SCARB1: variants seen among roughly 807,000 people sequenced by gnomAD.
The protein encoded by SCARB1 is CD36 and LIMPII analogous 1.
In SCARB1, 30 loss-of-function variants were observed where a neutral mutation model predicts 57.2. The ratio of observed to expected loss-of-function variants is 0.52; its 90% CI spans 0.39 to 0.71. The LOEUF is 0.71. Among genes scored for constraint, SCARB1 ranks in the 30% least tolerant of loss-of-function variants. The pLI is 0.00. For missense variants in SCARB1, 543 were observed against 671.2 expected, an observed-to-expected ratio of 0.81 and a Z score of 2.11; for synonymous variants, 249 against 268.3, an observed-to-expected ratio of 0.93 and a Z score of 0.70.
intron 2 of SCARB1, among the ~76,000 whole-genome samples, chr12:124,816,738 G>A (rs118033907): frequency 4.5e-4 from 69 of 152,178 alleles, no homozygotes; most frequent in East Asian, 4.1e-3. Context: ...AGGCACATCC[G>A]CCAGCCGTCT....
At chr12:124,861,448 G>A (rs1566274274) in intron 1 of SCARB1, among the ~76,000 whole-genome samples, 1 of 151,602 alleles carries the variant, frequency 6.6e-6, no homozygotes, top group Non-Finnish European at 1.5e-5. Flanking sequence ...CCAACTGTAG[G>A]GACTTCTGTT....
At chr12:124,798,015 C>T (rs937574667) in intron 8 of SCARB1, among the ~76,000 whole-genome samples, 4 of 152,194 alleles carry the variant, frequency 2.6e-5, no homozygotes, top group Non-Finnish European at 2.9e-5. Flanking sequence ...CTCCCATGTA[C>T]GCTGTGGCCA....
intron 12 of SCARB1, among the ~76,000 whole-genome samples, chr12:124,781,068 C>A (rs1873369477): frequency 6.6e-6 from 1 of 152,168 alleles, no homozygotes; most frequent in East Asian, 1.9e-4. Context: ...CAGGGAGGAT[C>A]CTCTCCTAAT....
At chr12:124,848,896 C>T (rs1366786485) in intron 1 of SCARB1, among the ~76,000 whole-genome samples, 1 of 152,250 alleles carries the variant, frequency 6.6e-6, no homozygotes, top group Non-Finnish European at 1.5e-5. Flanking sequence ...AAACTGCTGA[C>T]AGATGGATCC....
In SCARB1 at chr12:124,810,276, T is replaced by A. The variant is rs1950474351; in HGVS notation, c.740A>T (p.His247Leu). The A allele has an allele frequency of 6.2e-7, 1 of 1,613,638 alleles. No individual in the cohort carries two copies. The highest frequency in any genetic ancestry group is 8.5e-7 in the Non-Finnish European group (1 of 1,179,592). Reference sequence around the variant, plus strand: ...ATTGATCATGTTGCACTGATCGGAATGCCAGAAGTCAACCTGGGGGGAAGC... The same window carrying A: ...ATTGATCATGTTGCACTGATCGGAAAGCCAGAAGTCAACCTGGGGGGAAGC... ...WNGLSKVDFWHSDQCNMINGT... is the reference protein window; with the variant it reads ...WNGLSKVDFWLSDQCNMINGT... The change falls in exon 6 of 13, where the codon CAT becomes CTT. Residue 247 changes from histidine to leucine, a missense_variant. Coordinates refer to ENST00000261693, the MANE Select transcript of SCARB1 (RefSeq NM_005505.5). The surrounding 1 kb of genome is among the most constrained non-coding windows in gnomAD (Gnocchi z 4.0).
intron 1 of SCARB1, among the ~76,000 whole-genome samples, chr12:124,828,182 G>A (rs1487379513): frequency 2.0e-5 from 3 of 151,764 alleles, no homozygotes; most frequent in African/African-American, 2.4e-5. Flanking sequence ...GCAACAACTC[G>A]GTAAATGTGT....
intron 7 of SCARB1, among the ~76,000 whole-genome samples, chr12:124,805,528 G>A (rs1360992990): frequency 6.6e-6 from 1 of 152,122 alleles, no homozygotes; most frequent in Non-Finnish European, 1.5e-5. Context: ...TATGAATGCA[G>A]ACAGAGCTGC....
chr12:124,794,737 C>G lies in SCARB1; in HGVS notation c.1202+458G>C, dbSNP rs538099132. ...CTTGAGGCCAGGAGTTTGAGACCAGCCTGACCAACATGGTGAAACCCCATC... is the reference window on the plus strand; with the variant it reads ...CTTGAGGCCAGGAGTTTGAGACCAGGCTGACCAACATGGTGAAACCCCATC... On this transcript the variant is annotated intron_variant, in intron 9 of 12. Coordinates refer to ENST00000261693, the MANE Select transcript of SCARB1 (RefSeq NM_005505.5). Among the ~76,000 whole-genome samples, 7 of 152,258 alleles carry G rather than the reference C, an allele frequency of 4.6e-5. No individual in the cohort carries two copies. In the East Asian group the frequency reaches 1.4e-3, roughly 29 times the overall value.
chr12:124,805,570 A>G (rs1002653019), intron 7 of SCARB1, among the ~76,000 whole-genome samples: 13 of 152,034 alleles, frequency 8.6e-5, no homozygotes, highest in African/African-American at 3.1e-4. Context: ...GGCCATCTGC[A>G]TATTTTTCGA....
At position 124,810,395 on chromosome 12, in the gene SCARB1, C is replaced by A; in HGVS notation, c.727-106G>T. 1.3e-6 allele frequency: 1 copy of A among 768,014 alleles called. No homozygotes were observed. The highest frequency in any genetic ancestry group is 2.3e-6 in the Non-Finnish European group (1 of 430,298). 47.6% of individuals were successfully genotyped at this position (768,014 alleles called of 1,614,324 possible). A position where few individuals can be genotyped will look rare whatever the true frequency, so the allele number is the denominator to read the frequency against. ...TCACCCTGGTGCACGCACGGCCACT[C>A]AATTCCCAATACTGGCACGGTGGGA... On this transcript the variant is annotated intron_variant, in intron 5 of 12. Transcript: ENST00000261693. The surrounding 1 kb of genome is among the most constrained non-coding windows in gnomAD (Gnocchi z 4.0).
chr12:124,835,483 C>A, intron 1 of SCARB1, among the ~76,000 whole-genome samples: 1 of 152,126 alleles, frequency 6.6e-6, no homozygotes, highest in South Asian at 2.1e-4. Flanking sequence ...GTTGCCCAGG[C>A]TGGTCTGAAA....
chr12:124,823,180 A>G (rs1418443462), intron 1 of SCARB1, among the ~76,000 whole-genome samples: 1 of 152,120 alleles, frequency 6.6e-6, no homozygotes, highest in Non-Finnish European at 1.5e-5. Flanking sequence ...GTTGCTGGTT[A>G]CCCGGGACTA....
chr12:124,776,945 T>C lies in SCARB1; in HGVS notation c.*1642A>G, dbSNP rs1356825047. On this transcript the variant is annotated 3_prime_UTR_variant, in exon 13 of 13. Transcript: ENST00000261693. ...GCATCAAATATAAATATCATTTAGA[T>C]AAAATTTTAGGAGGGAAGAAGAAAG... 1 of 151,798 alleles carries C rather than the reference T, an allele frequency of 6.6e-6. No individual in the cohort carries two copies. Among genetic ancestry groups the C allele is most frequent in the Non-Finnish European group, 1.5e-5 (1 of 67,994 alleles). The allele number at this position is 151,798 out of a possible 1,614,324, so 9.4% of individuals were successfully genotyped here.
rs77686533 is a variant in SCARB1 at position 124,791,966 on chromosome 12, A to G, written c.1202+3229T>C. On this transcript the variant is annotated intron_variant, in intron 9 of 12. Coordinates refer to ENST00000261693, the MANE Select transcript of SCARB1 (RefSeq NM_005505.5). The stretch of plus-strand genomic sequence containing the variant: ...CAAGATCCATCTTAAAAAAAAAAAA[A>G]GGCTGAAATCCCCCAATCACAATTA... Among the ~76,000 whole-genome samples, 946 of 151,692 alleles carry G rather than the reference A, an allele frequency of 6.2e-3. 18 individuals are homozygous for G. The highest frequency in any genetic ancestry group is 0.022 in the African/African-American group (903 of 41,286).
intron 7 of SCARB1, among the ~76,000 whole-genome samples, chr12:124,805,479 C>A (rs1330437695): frequency 6.6e-6 from 1 of 152,168 alleles, no homozygotes; most frequent in Non-Finnish European, 1.5e-5. Context: ...GGGCTGGATC[C>A]TGCAGGGCCC....
chr12:124,786,988 A>G (rs1381793705), intron 10 of SCARB1, among the ~76,000 whole-genome samples: 1 of 152,254 alleles, frequency 6.6e-6, no homozygotes, highest in African/African-American at 2.4e-5. Context: ...CAATAAATAC[A>G]GTAAATAAAA....
rs1482235115 is a variant in SCARB1 at position 124,812,056 on chromosome 12, C to G, written c.631-91G>C. ...CATTCTGGGCTGAGCCCTCCTCCCC[C>G]TCCACCAGAAGGACAGGGCCCCCAG... On this transcript the variant is annotated intron_variant, in intron 4 of 12. Coordinates refer to ENST00000261693, the MANE Select transcript of SCARB1 (RefSeq NM_005505.5). This position sits in a 1 kb window ranked among gnomAD's most constrained non-coding sequence, Gnocchi z 4.3. The G allele has an allele frequency of 1.0e-5, 10 of 963,788 alleles. No individual in the cohort carries two copies. Among genetic ancestry groups the G allele is most frequent in the Non-Finnish European group, 1.5e-5 (9 of 612,562 alleles). The allele number at this position is 963,788 out of a possible 1,614,324, so 59.7% of individuals were successfully genotyped here.
chr12:124,831,736 T>G (rs1261233740), intron 1 of SCARB1, among the ~76,000 whole-genome samples: 1 of 152,122 alleles, frequency 6.6e-6, no homozygotes, highest in Non-Finnish European at 1.5e-5. Context: ...TCTTTACCTG[T>G]AACAAGGAAT....
At chr12:124,849,518 G>A (rs377755183) in intron 1 of SCARB1, among the ~76,000 whole-genome samples, 53 of 152,302 alleles carry the variant, frequency 3.5e-4, no homozygotes, top group African/African-American at 1.1e-3. Flanking sequence ...AAGAACATTC[G>A]TTAGTGACTT....
Sources: allele counts gnomAD v4.1 joint callset (sites outside exome capture counted in the v4.1 genomes callset), GRCh38; gene constraint gnomAD v4.1.1; non-coding constraint Gnocchi (gnomAD v3.1); transcripts MANE v1.5; gene names NCBI Gene and HGNC (gene_info 2026-07-23, HGNC 2026-07-21).